PTPRD: variants seen among roughly 807,000 people sequenced by gnomAD.
PTPRD encodes receptor-type tyrosine-protein phosphatase delta.
PTPRD carries 34 observed loss-of-function variants against 214.5 expected under a neutral mutation model. The observed-to-expected ratio is 0.16, with a 90% CI of 0.12 to 0.21. The LOEUF (loss-of-function observed/expected upper bound fraction) is 0.21. Among genes scored for constraint, PTPRD ranks in the 10% least tolerant of loss-of-function variants. The pLI is 1.00. For missense variants in PTPRD, 2,545 were observed against 2,398.7 expected (o/e 1.06, Z -1.27); for synonymous variants, 1,128 against 845.7 (o/e 1.33, Z -5.79).
At chr9:10,607,772 A>G (rs1329155961) in intron 2 of PTPRD, among the ~76,000 whole-genome samples, 1 of 152,012 alleles carries the variant, frequency 6.6e-6, no homozygotes, top group Non-Finnish European at 1.5e-5. Context: ...TAAGAAAAGC[A>G]AGCATTTAAA....
At chr9:8,712,725 G>A (rs900486219) in intron 12 of PTPRD, among the ~76,000 whole-genome samples, 1 of 151,590 alleles carries the variant, frequency 6.6e-6, no homozygotes, top group East Asian at 1.9e-4. Flanking sequence ...TTCTTTTTTG[G>A]GGGGTGGGGG....
At chr9:8,464,803 A>G (rs1229129038) in intron 32 of PTPRD, among the ~76,000 whole-genome samples, 1 of 151,504 alleles carries the variant, frequency 6.6e-6, no homozygotes. Context: ...CTCATTATTT[A>G]GAATACCTTA....
At chr9:8,481,932 G>A (rs1283354918) in intron 30 of PTPRD, among the ~76,000 whole-genome samples, 7 of 151,980 alleles carry the variant, frequency 4.6e-5, no homozygotes, top group South Asian at 2.1e-4. Context: ...ACAGGCATGC[G>A]CCACCATGCC....
chr9:9,465,550 T>C (rs952266882), intron 8 of PTPRD, among the ~76,000 whole-genome samples: 4 of 152,184 alleles, frequency 2.6e-5, no homozygotes, highest in African/African-American at 9.6e-5. Flanking sequence ...GGAAAACAAA[T>C]ACCCGAAAGA....
intron 11 of PTPRD, among the ~76,000 whole-genome samples, chr9:8,942,406 G>A (rs972583824): frequency 6.6e-6 from 1 of 152,102 alleles, no homozygotes; most frequent in Admixed American, 6.5e-5. Flanking sequence ...AGTTGACATG[G>A]CCATTACAAT....
At chr9:10,429,281 C>T (rs766702531) in intron 2 of PTPRD, among the ~76,000 whole-genome samples, 7 of 151,848 alleles carry the variant, frequency 4.6e-5, no homozygotes, top group East Asian at 2.0e-4. Flanking sequence ...ATGAAGAGTT[C>T]GCAAAGAAGT....
intron 9 of PTPRD, among the ~76,000 whole-genome samples, chr9:9,245,077 C>A (rs183914421): frequency 6.6e-6 from 1 of 152,252 alleles, no homozygotes; most frequent in East Asian, 1.9e-4. Context: ...CAAATCAAAA[C>A]CACAATGAGA....
Position 9,602,134 on chromosome 9 carries a change from T to C in PTPRD, c.-286-27353A>G, listed in dbSNP as rs192645118. ...ATTTTTTCATAAAAGCAGACAACAT[T>C]GTTCACTTCATTCCTATTACCTTTG... On this transcript the variant is annotated intron_variant, in intron 7 of 45. Transcript: ENST00000381196. 2.2e-3 allele frequency among the ~76,000 whole-genome samples: 328 copies of C among 152,188 alleles called. 2 individuals carry two copies. Among genetic ancestry groups the C allele is most frequent in the African/African-American group, 7.3e-3 (305 of 41,564 alleles).
intron 12 of PTPRD, among the ~76,000 whole-genome samples, chr9:8,668,940 C>T (rs938761278): frequency 6.6e-6 from 1 of 152,128 alleles, no homozygotes; most frequent in Non-Finnish European, 1.5e-5. Context: ...GATCCTGCTA[C>T]AAGTACCTCC....
intron 6 of PTPRD, among the ~76,000 whole-genome samples, chr9:9,749,488 A>T (rs2098493640): frequency 6.6e-6 from 1 of 152,186 alleles, no homozygotes; most frequent in Non-Finnish European, 1.5e-5. Context: ...CCCTAAGAGC[A>T]GTGATTATAA....
At chr9:10,377,382 T>C (rs1017363780) in intron 2 of PTPRD, among the ~76,000 whole-genome samples, 9 of 151,976 alleles carry the variant, frequency 5.9e-5, no homozygotes, top group African/African-American at 1.7e-4. Context: ...TGTTGGTGTG[T>C]TGCACCCATT....
chr9:10,089,278 T>A (rs931010655), intron 3 of PTPRD, among the ~76,000 whole-genome samples: 1 of 151,176 alleles, frequency 6.6e-6, no homozygotes, highest in Admixed American at 6.6e-5. Flanking sequence ...CAAAATTTTG[T>A]TTATTATATC....
chr9:10,220,873 G>C (rs553155733), intron 3 of PTPRD, among the ~76,000 whole-genome samples: 30 of 151,608 alleles, frequency 2.0e-4, no homozygotes, highest in African/African-American at 6.8e-4. Flanking sequence ...ACTCAGGCTT[G>C]GGAAATAGAA....
intron 5 of PTPRD, among the ~76,000 whole-genome samples, chr9:9,933,164 A>C (rs1366738799): frequency 1.3e-5 from 2 of 152,266 alleles, no homozygotes; most frequent in African/African-American, 2.4e-5. Context: ...AAGTAACTGC[A>C]TCAACTAACG....
intron 11 of PTPRD, among the ~76,000 whole-genome samples, chr9:8,892,087 G>C (rs895473083): frequency 1.3e-5 from 2 of 152,078 alleles, no homozygotes; most frequent in Non-Finnish European, 2.9e-5. Context: ...TGAAAGGAAA[G>C]AAACAGAATT....
intron 2 of PTPRD, among the ~76,000 whole-genome samples, chr9:10,379,148 ATTTTT>A (rs148495740): frequency 6.6e-6 from 1 of 150,864 alleles, no homozygotes; most frequent in Non-Finnish European, 1.5e-5. Context: ...AATGCTACTG[ATTTTT>A]TTTAATTTTA....
intron 3 of PTPRD, among the ~76,000 whole-genome samples, chr9:10,210,959 G>A (rs956889874): frequency 2.0e-5 from 3 of 150,158 alleles, no homozygotes; most frequent in East Asian, 2.0e-4. Flanking sequence ...ATACACAATG[G>A]CAAACAGATA....
chr9:8,894,355 C>CAAAAAAAA (rs34776407), intron 11 of PTPRD, among the ~76,000 whole-genome samples: 1 of 74,466 alleles, frequency 1.3e-5, no homozygotes. Context: ...GACTCCATCT[C>CAAAAAAAA]AAAAAAAAAA....
intron 3 of PTPRD, among the ~76,000 whole-genome samples, chr9:10,196,630 T>C (rs552437563): frequency 6.6e-6 from 1 of 152,222 alleles, no homozygotes; most frequent in South Asian, 2.1e-4. Flanking sequence ...AAGGGAAAAT[T>C]CATATGAAAA....
Sources: allele counts gnomAD v4.1 joint callset (sites outside exome capture counted in the v4.1 genomes callset), GRCh38; gene constraint gnomAD v4.1.1; transcripts MANE v1.5; gene names NCBI Gene and HGNC (gene_info 2026-07-23, HGNC 2026-07-21).